The following GRID2 variants were observed in gnomAD, a reference collection of about 807,000 sequenced individuals.
GRID2 encodes the protein glutamate ionotropic receptor delta type subunit 2, also known as glutamate receptor ionotropic, delta-2.
In GRID2, 33 loss-of-function variants were observed where a neutral mutation model predicts 114.8. The observed-to-expected ratio is 0.29, with a 90% CI of 0.22 to 0.38. GRID2 has a LOEUF of 0.38. Ranked by LOEUF, GRID2 falls within the 10% of genes least tolerant of loss-of-function variation. The pLI, the probability that GRID2 is intolerant of heterozygous loss-of-function variation, is 1.00. For synonymous variants in GRID2, 505 were observed against 449.9 expected (o/e 1.12, Z -1.55); for missense variants, 1,184 against 1,257.7 (o/e 0.94, Z 0.89).
At chr4:92,671,652 A>G (rs1448625741) in intron 2 of GRID2, among the ~76,000 whole-genome samples, 1 of 152,074 alleles carries the variant, frequency 6.6e-6, no homozygotes, top group Non-Finnish European at 1.5e-5. Flanking sequence ...GACCCAGAGG[A>G]GTTAATTGTT....
chr4:92,696,774 T>C (rs1188177890), intron 2 of GRID2, among the ~76,000 whole-genome samples: 1 of 152,136 alleles, frequency 6.6e-6, no homozygotes, highest in Non-Finnish European at 1.5e-5. Flanking sequence ...AGACCTGTAA[T>C]TGAAAGAGAC....
intron 1 of GRID2, among the ~76,000 whole-genome samples, chr4:93,801,176 AGAT>A (rs1734920614): frequency 6.6e-6 from 1 of 152,116 alleles, no homozygotes; most frequent in East Asian, 1.9e-4. Flanking sequence ...TAATTTATAT[AGAT>A]TGATTTTCCC....
chr4:92,715,054 C>G (rs928068923), intron 2 of GRID2, among the ~76,000 whole-genome samples: 1 of 152,166 alleles, frequency 6.6e-6, no homozygotes, highest in Non-Finnish European at 1.5e-5. Flanking sequence ...CTTTTATGCT[C>G]TCTTTCCCTT....
intron 1 of GRID2, among the ~76,000 whole-genome samples, chr4:92,489,962 A>G (rs1723076802): frequency 6.6e-6 from 1 of 152,096 alleles, no homozygotes; most frequent in African/African-American, 2.4e-5. Flanking sequence ...CTACTTCTTT[A>G]TATGAGGATG....
intron 13 of GRID2, among the ~76,000 whole-genome samples, chr4:93,547,988 C>A (rs1733384607): frequency 6.6e-6 from 1 of 152,176 alleles, no homozygotes; most frequent in African/African-American, 2.4e-5. Context: ...ACCAGCCTGA[C>A]CAAGATGGCG....
chr4:92,637,508 T>C (rs79912178), intron 2 of GRID2, among the ~76,000 whole-genome samples: 1 of 152,070 alleles, frequency 6.6e-6, no homozygotes, highest in Non-Finnish European at 1.5e-5. Flanking sequence ...AAGGACCACA[T>C]AACTTGTATC....
intron 13 of GRID2, among the ~76,000 whole-genome samples, chr4:93,544,986 TATG>T (rs1733067985): frequency 6.6e-6 from 1 of 152,112 alleles, no homozygotes; most frequent in African/African-American, 2.4e-5. Flanking sequence ...ATTTCAATTT[TATG>T]ATACCATTTT....
At chr4:92,616,628 T>G (rs1730016077) in intron 2 of GRID2, among the ~76,000 whole-genome samples, 1 of 151,452 alleles carries the variant, frequency 6.6e-6, no homozygotes, top group Non-Finnish European at 1.5e-5. Flanking sequence ...TGTTATTATA[T>G]ATGTTTTGTT....
chr4:92,946,431 C>T (rs2149547192), intron 2 of GRID2, among the ~76,000 whole-genome samples: 1 of 152,076 alleles, frequency 6.6e-6, no homozygotes, highest in South Asian at 2.1e-4. Context: ...CAGAGTATTT[C>T]TTCAGAATTT....
chr4:93,382,150 A>G (rs1303285769), intron 8 of GRID2, among the ~76,000 whole-genome samples: 1 of 152,104 alleles, frequency 6.6e-6, no homozygotes, highest in Non-Finnish European at 1.5e-5. Context: ...TATGTGATTA[A>G]TCACTTCTCT....
chr4:92,373,475 C>A (rs1729211245), intron 1 of GRID2, among the ~76,000 whole-genome samples: 1 of 152,176 alleles, frequency 6.6e-6, no homozygotes, highest in African/African-American at 2.4e-5. Flanking sequence ...TAGTGCCAGG[C>A]CAGCTTCCAG....
intron 2 of GRID2, among the ~76,000 whole-genome samples, chr4:92,814,171 T>C (rs925703039): frequency 6.6e-6 from 1 of 152,190 alleles, no homozygotes; most frequent in African/African-American, 2.4e-5. Flanking sequence ...TCTTGTATTA[T>C]TGTGACTTGA....
intron 2 of GRID2, among the ~76,000 whole-genome samples, chr4:92,923,071 C>T (rs1041066049): frequency 4.6e-5 from 7 of 152,134 alleles, no homozygotes; most frequent in African/African-American, 1.4e-4. Flanking sequence ...TGTTTTAAAA[C>T]TGGAATATAT....
intron 13 of GRID2, among the ~76,000 whole-genome samples, chr4:93,580,636 A>G (rs1736879852): frequency 6.6e-6 from 1 of 152,118 alleles, no homozygotes; most frequent in South Asian, 2.1e-4. Flanking sequence ...GAGCATCACC[A>G]CTTCCCTTGG....
Position 93,515,252 on chromosome 4 carries a change from T to A in GRID2, c.2034T>A (p.Pro678=). ...ACCTTTCCAAGCAAACAGAAATCCC[T>A]TATGGCACAGTCCTAGACTCTGCGG... ...LQDLSKQTEI[P]YGTVLDSAVY... The change falls in exon 13 of 16, where the codon CCT becomes CCA. Residue 678 remains proline, a synonymous_variant. Coordinates refer to ENST00000282020, the MANE Select transcript of GRID2 (RefSeq NM_001510.4). The A allele has an allele frequency of 6.2e-7, 1 of 1,606,816 alleles. No individual in the cohort carries two copies. Among genetic ancestry groups the A allele is most frequent in the Non-Finnish European group, 8.5e-7 (1 of 1,175,558 alleles).
At chr4:92,784,639 A>G (rs192726849) in intron 2 of GRID2, among the ~76,000 whole-genome samples, 1 of 152,092 alleles carries the variant, frequency 6.6e-6, no homozygotes, top group Admixed American at 6.6e-5. Context: ...TGTTTGAAAT[A>G]TAAGAAAGTC....
At chr4:92,447,422 G>T (rs1579380892) in intron 1 of GRID2, among the ~76,000 whole-genome samples, 1 of 152,214 alleles carries the variant, frequency 6.6e-6, no homozygotes, top group East Asian at 1.9e-4. Context: ...CAGCTGAAGG[G>T]TGTCAAGTGC....
chr4:92,860,728 T>C (rs1744472816), intron 2 of GRID2, among the ~76,000 whole-genome samples: 1 of 152,074 alleles, frequency 6.6e-6, no homozygotes, highest in Non-Finnish European at 1.5e-5. Flanking sequence ...TCCATGAGGG[T>C]AAGGACTTGA....
At chr4:92,468,357 T>G (rs980107252) in intron 1 of GRID2, among the ~76,000 whole-genome samples, 4 of 151,936 alleles carry the variant, frequency 2.6e-5, no homozygotes, top group Non-Finnish European at 5.9e-5. Flanking sequence ...GTGGCAGAAC[T>G]GGGATTGGAT....
Sources: allele counts gnomAD v4.1 joint callset (sites outside exome capture counted in the v4.1 genomes callset), GRCh38; gene constraint gnomAD v4.1.1; transcripts MANE v1.5; gene names NCBI Gene and HGNC (gene_info 2026-07-23, HGNC 2026-07-21).